The following CDH13 variants were observed in gnomAD, a reference collection of about 807,000 sequenced individuals.
The protein encoded by CDH13 is cadherin-13.
CDH13 carries 24 observed loss-of-function variants against 63.8 expected under a neutral mutation model. The ratio of observed to expected loss-of-function variants is 0.38; its 90% CI spans 0.27 to 0.53. The LOEUF (loss-of-function observed/expected upper bound fraction) is 0.53, where lower values mean the gene tolerates loss of function less well. CDH13 is among the 20% of genes least tolerant of loss of function. The pLI, the probability that CDH13 is intolerant of heterozygous loss-of-function variation, is 0.85. For missense variants in CDH13, 1,049 were observed against 903.1 expected, an observed-to-expected ratio of 1.16 and a Z score of -2.07; for synonymous variants, 503 against 355.3, an observed-to-expected ratio of 1.42 and a Z score of -4.67.
chr16:83,357,213 C>T (rs1194276527), intron 6 of CDH13, among the ~76,000 whole-genome samples: 1 of 152,156 alleles, frequency 6.6e-6, no homozygotes, highest in Non-Finnish European at 1.5e-5. Context: ...CCTCTCCTTC[C>T]TTCTCATTTC....
intron 6 of CDH13, among the ~76,000 whole-genome samples, chr16:83,383,949 T>C (rs2091621339): frequency 6.6e-6 from 1 of 152,186 alleles, no homozygotes; most frequent in Non-Finnish European, 1.5e-5. Context: ...GACACACACA[T>C]ATACATACAC....
At chr16:82,983,208 T>G (rs2151389045) in intron 2 of CDH13, among the ~76,000 whole-genome samples, 1 of 152,340 alleles carries the variant, frequency 6.6e-6, no homozygotes. Context: ...AGGACCTTTC[T>G]TAGACTGCAG....
intron 1 of CDH13, among the ~76,000 whole-genome samples, chr16:82,677,839 G>C (rs1256486448): frequency 6.6e-6 from 1 of 152,112 alleles, no homozygotes; most frequent in African/African-American, 2.4e-5. Context: ...TCCTGGTTAA[G>C]CCTGTCTTTA....
chr16:82,934,707 T>G (rs1041076931), intron 2 of CDH13, among the ~76,000 whole-genome samples: 1 of 152,156 alleles, frequency 6.6e-6, no homozygotes, highest in Non-Finnish European at 1.5e-5. Context: ...CTCTCAGGTT[T>G]AAGTTCCACA....
intron 3 of CDH13, among the ~76,000 whole-genome samples, chr16:83,052,967 C>T (rs555021670): frequency 9.2e-5 from 14 of 151,802 alleles, no homozygotes; most frequent in East Asian, 1.9e-4. Flanking sequence ...GATAGAAGAC[C>T]GTGAAAGAGG....
Position 83,426,907 on chromosome 16 carries a change from C to CTTTCT in CDH13, c.782-59567_782-59566insCTTTT, listed in dbSNP as rs1340492091. Among the ~76,000 whole-genome samples the CTTTCT allele has an allele frequency of 1.8e-3, 113 of 63,230 alleles. 3 individuals are homozygous for CTTTCT. The highest frequency in any genetic ancestry group is 7.6e-3 in the African/African-American group (108 of 14,174). 41.5% of individuals were successfully genotyped at this position (63,230 alleles called of 152,430 possible). The stretch of plus-strand genomic sequence containing the variant: ...TCAGAATCTATAAATATGTTTCTTT[C>CTTTCT]TTTTTTTTTTTTTTTTTTTTTTTTT... On this transcript the variant is annotated intron_variant, in intron 6 of 13. Transcript: ENST00000567109.
intron 10 of CDH13, among the ~76,000 whole-genome samples, chr16:83,702,276 A>G (rs942869904): frequency 1.3e-5 from 2 of 152,124 alleles, no homozygotes; most frequent in African/African-American, 2.4e-5. Context: ...AAGTAATAAT[A>G]GCTTCTGTGA....
intron 6 of CDH13, among the ~76,000 whole-genome samples, chr16:83,373,319 C>T (rs191194904): frequency 2.0e-3 from 302 of 152,162 alleles, no homozygotes; most frequent in Non-Finnish European, 2.8e-3. Context: ...GAACAGTGCT[C>T]CACAGAGAGT....
At chr16:82,746,138 C>T (rs931700634) in intron 1 of CDH13, among the ~76,000 whole-genome samples, 11 of 148,672 alleles carry the variant, frequency 7.4e-5, no homozygotes, top group Non-Finnish European at 1.7e-4. Flanking sequence ...TATAAGCACA[C>T]ATCAAACATA....
intron 3 of CDH13, among the ~76,000 whole-genome samples, chr16:83,065,022 C>G (rs938201325): frequency 6.6e-6 from 1 of 152,144 alleles, no homozygotes; most frequent in Admixed American, 6.5e-5. Flanking sequence ...CCCTGCACCC[C>G]CAGCCCCAGG....
chr16:82,639,626 A>C (rs534371245), intron 1 of CDH13, among the ~76,000 whole-genome samples: 1 of 152,360 alleles, frequency 6.6e-6, no homozygotes, highest in South Asian at 2.1e-4. Flanking sequence ...AGCTATATAG[A>C]GACACCTGGA....
chr16:83,107,488 T>C (rs2034829919), intron 3 of CDH13, among the ~76,000 whole-genome samples: 1 of 152,216 alleles, frequency 6.6e-6, no homozygotes, highest in African/African-American at 2.4e-5. Context: ...AATGCAGCCT[T>C]CTTTCCAGTA....
chr16:82,966,394 A>G (rs1402967038), intron 2 of CDH13, among the ~76,000 whole-genome samples: 2 of 151,880 alleles, frequency 1.3e-5, no homozygotes, highest in Admixed American at 6.6e-5. Context: ...TGATCCGCCC[A>G]CCTCCGCCTC....
chr16:83,347,963 G>C (rs1597802813), intron 6 of CDH13, among the ~76,000 whole-genome samples: 2 of 152,284 alleles, frequency 1.3e-5, no homozygotes, highest in Admixed American at 6.5e-5. Context: ...AGGCTGAGGT[G>C]TGTGGATCTT....
intron 2 of CDH13, among the ~76,000 whole-genome samples, chr16:82,923,354 A>AT (rs1456595460): frequency 6.6e-6 from 1 of 152,206 alleles, no homozygotes; most frequent in African/African-American, 2.4e-5. Context: ...CATTTGGTTT[A>AT]TAGTAAGGGT....
chr16:83,798,905 T>G lies in CDH13; in HGVS notation c.*3875T>G, dbSNP rs1477160328. Reference sequence around the variant, plus strand: ...TGTTAACATCGTTCTAAATTAATATTGAGACCTTAGAAATTTTTCCTGTGC... The same window carrying G: ...TGTTAACATCGTTCTAAATTAATATGGAGACCTTAGAAATTTTTCCTGTGC... On this transcript the variant is annotated 3_prime_UTR_variant, in exon 14 of 14. Transcript: ENST00000567109. The G allele has an allele frequency of 6.6e-6, 1 of 152,152 alleles. No homozygotes were observed. Among genetic ancestry groups the G allele is most frequent in the Admixed American group, 6.5e-5 (1 of 15,276 alleles). 9.4% of individuals were successfully genotyped at this position (152,152 alleles called of 1,614,324 possible). A position where few individuals can be genotyped will look rare whatever the true frequency, so the allele number is the denominator to read the frequency against.
In CDH13 at chr16:83,007,841, A is replaced by G. The variant is rs1913703001; in HGVS notation, c.158-24169A>G. Among the ~76,000 whole-genome samples the G allele has an allele frequency of 2.7e-5, 4 of 150,374 alleles. No homozygotes were observed. In the East Asian group the frequency reaches 5.8e-4, roughly 22 times the overall value. ...GACTCTGTCAAAAAAAAAAAAAGAGAGAAAAGAAAAATGCCTTAAAATTAT... is the reference window on the plus strand; with the variant it reads ...GACTCTGTCAAAAAAAAAAAAAGAGGGAAAAGAAAAATGCCTTAAAATTAT... On this transcript the variant is annotated intron_variant, in intron 2 of 13. Coordinates refer to ENST00000567109, the MANE Select transcript of CDH13 (RefSeq NM_001257.5).
intron 5 of CDH13, among the ~76,000 whole-genome samples, chr16:83,323,329 A>G (rs375977186): frequency 1.6e-4 from 23 of 145,134 alleles, no homozygotes; most frequent in Middle Eastern, 4.0e-3. Context: ...ATGCTGGAGT[A>G]TAGTGGCACG....
At chr16:83,457,078 C>G (rs953651553) in intron 6 of CDH13, among the ~76,000 whole-genome samples, 9 of 152,174 alleles carry the variant, frequency 5.9e-5, no homozygotes, top group Non-Finnish European at 8.8e-5. Flanking sequence ...TGGGCTTCAT[C>G]TCAGAGGCGA....
Sources: gnomAD v4.1 joint callset for allele counts (sites outside exome capture counted in the v4.1 genomes callset) on GRCh38, gnomAD v4.1.1 for gene constraint, MANE v1.5 for transcripts, NCBI Gene and HGNC (gene_info 2026-07-23, HGNC 2026-07-21) for gene names.